Variants in JDP2 observed in about 807,000 individuals in gnomAD.
The protein encoded by JDP2 is Jun dimerization protein 2.
In JDP2, 9 loss-of-function variants were observed where a neutral mutation model predicts 17.1. That is an observed-to-expected ratio of 0.53 (90% confidence interval 0.32 to 0.92). The LOEUF (loss-of-function observed/expected upper bound fraction) is 0.92. Ranked by LOEUF, JDP2 falls within the 40% of genes least tolerant of loss-of-function variation. The probability of loss-of-function intolerance (pLI) is 0.04; values close to 1 mark genes in which losing one functional copy is unlikely to be tolerated. For synonymous variants in JDP2, 107 were observed against 95.6 expected, an observed-to-expected ratio of 1.12 and a Z score of -0.69; for missense variants, 179 against 220.0, an observed-to-expected ratio of 0.81 and a Z score of 1.18.
chr14:75,448,161 C>T (rs1239254800), intron 2 of JDP2, among the ~76,000 whole-genome samples: 1 of 152,094 alleles, frequency 6.6e-6, no homozygotes, highest in Non-Finnish European at 1.5e-5. Context: ...GGATATGATG[C>T]AATTGTAAGC....
chr14:75,435,591 G>C (rs574849650), intron 1 of JDP2, among the ~76,000 whole-genome samples: 6 of 152,314 alleles, frequency 3.9e-5, no homozygotes, highest in Middle Eastern at 3.4e-3. Flanking sequence ...ACCAGGAGTC[G>C]AGCCCTGGCT....
chr14:75,438,007 C>A lies in JDP2; in HGVS notation c.87C>A (p.Ala29=), dbSNP rs1362594799. The A allele has an allele frequency of 6.2e-7, 1 of 1,613,798 alleles. No homozygotes were observed. Among genetic ancestry groups the A allele is most frequent in the Admixed American group, 1.7e-5 (1 of 59,988 alleles). The change falls in exon 2 of 4, where the codon GCC becomes GCA. Residue 29 remains alanine, a synonymous_variant. Coordinates refer to ENST00000651602, the MANE Select transcript of JDP2 (RefSeq NM_001135048.2). The part of the protein sequence containing the change: ...LGPLTGLPSS[A]LTVEELKYAD... ...CCCTGACCGGGCTCCCCAGCTCGGCCCTGACTGTGGAGGAGCTGAAATACG... is the reference window on the plus strand; with the variant it reads ...CCCTGACCGGGCTCCCCAGCTCGGCACTGACTGTGGAGGAGCTGAAATACG...
At position 75,473,669 on chromosome 14, in the gene JDP2, A is replaced by T. The variant is rs190982562; in HGVS notation, c.*4194A>T. ...AGAATGAACCAGAGCTATATGTATC[A>T]ATATGGATAAATCTCAGAAACCTAC... On this transcript the variant is annotated 3_prime_UTR_variant, in exon 4 of 4. Transcript: ENST00000651602. 6.6e-6 allele frequency: 1 copy of T among 152,390 alleles called. No individual in the cohort carries two copies. Among genetic ancestry groups the T allele is most frequent in the African/African-American group, 2.4e-5 (1 of 41,592 alleles). 9.4% of individuals were successfully genotyped at this position (152,390 alleles called of 1,614,324 possible). A position where few individuals can be genotyped will look rare whatever the true frequency, so the allele number is the denominator to read the frequency against.
At chr14:75,444,499 G>A (rs1037337175) in intron 2 of JDP2, among the ~76,000 whole-genome samples, 1 of 152,212 alleles carries the variant, frequency 6.6e-6, no homozygotes, top group Non-Finnish European at 1.5e-5. Context: ...TTGGGTGCAA[G>A]TTCTGGGTTC....
intron 1 of JDP2, among the ~76,000 whole-genome samples, chr14:75,434,899 T>C (rs1396846950): frequency 1.3e-5 from 2 of 152,260 alleles, no homozygotes; most frequent in Non-Finnish European, 2.9e-5. Flanking sequence ...GTGAATTTGC[T>C]GTCATTTGTT....
At chr14:75,440,445 A>G (rs1050892152) in intron 2 of JDP2, among the ~76,000 whole-genome samples, 2 of 152,384 alleles carry the variant, frequency 1.3e-5, no homozygotes, top group South Asian at 2.1e-4. Flanking sequence ...CTATTTGCAT[A>G]TGGCAAACTG....
rs186312662 is a variant in JDP2, at chr14:75,454,964, C to G, written c.202-6462C>G. Among the ~76,000 whole-genome samples, 424 of 152,172 alleles carry G rather than the reference C, an allele frequency of 2.8e-3. 2 individuals carry two copies. Among genetic ancestry groups the G allele is most frequent in the Non-Finnish European group, 4.8e-3 (325 of 68,008 alleles). ...TAGCCAAGGGAGAGCCCTTTGGAGC[C>G]ACTGCAGCCGTCCAGTGCAGAGGCG... On this transcript the variant is annotated intron_variant, in intron 2 of 3. Transcript: ENST00000651602.
chr14:75,445,500 TA>T lies in JDP2; in HGVS notation c.201+7384del, dbSNP rs907120233. 3.6e-5 allele frequency: 35 copies of T among 985,274 alleles called. No homozygotes were observed. The African/African-American group carries it at 5.8e-4, about 16-fold the overall frequency. The allele number at this position is 985,274 out of a possible 1,614,324, so 61.0% of individuals were successfully genotyped here. A position where few individuals can be genotyped will look rare whatever the true frequency, so the allele number is the denominator to read the frequency against. On this transcript the variant is annotated intron_variant, in intron 2 of 3. Transcript: ENST00000651602. ...CTACCAACTCCCCAGTCCCCGCGAA[TA>T]AAAACCCTTGCCTTTTTGGAGGCAA... is the stretch of plus-strand genomic sequence containing the variant.
intron 3 of JDP2, among the ~76,000 whole-genome samples, chr14:75,466,964 G>T (rs897432666): frequency 6.6e-6 from 1 of 152,086 alleles, no homozygotes; most frequent in Non-Finnish European, 1.5e-5. Flanking sequence ...ATAAGTTACA[G>T]TAAGCCTCTC....
intron 2 of JDP2, among the ~76,000 whole-genome samples, chr14:75,439,248 C>G (rs1327088423): frequency 6.6e-6 from 1 of 152,222 alleles, no homozygotes; most frequent in African/African-American, 2.4e-5. Flanking sequence ...CAGAGGACTG[C>G]TGGGGGCTTG....
chr14:75,461,660 G>A (rs1292741226), intron 3 of JDP2, 130 bp downstream of exon 3: 1 of 707,892 alleles, frequency 1.4e-6, no homozygotes, highest in East Asian at 2.7e-5. Flanking sequence ...AGCAGCCTTG[G>A]CCCCTCTGCT....
rs188815977 is a variant in JDP2 at position 75,428,267 on chromosome 14, G to T, written c.-24+15G>T. ...CCTTCTGCACGGTGGGTGCGAGGGC[G>T]CGCGCTGGGGGCGCCGGGACGGGCG... On this transcript the variant is annotated intron_variant, in intron 1 of 3. Transcript: ENST00000651602. This position sits in a 1 kb window ranked among gnomAD's most constrained non-coding sequence, Gnocchi z 5.6. 540 of 146,644 alleles carry T rather than the reference G, an allele frequency of 3.7e-3. 5 individuals are homozygous for T. Among genetic ancestry groups the T allele is most frequent in the South Asian group, 0.025 (121 of 4,882 alleles). The allele number at this position is 146,644 out of a possible 1,614,324, so 9.1% of individuals were successfully genotyped here. A position where few individuals can be genotyped will look rare whatever the true frequency, so the allele number is the denominator to read the frequency against.
chr14:75,427,981 C>G (rs1884598197), upstream of JDP2: 1 of 151,724 alleles, frequency 6.6e-6, no homozygotes. This position sits in a 1 kb window ranked among gnomAD's most constrained non-coding sequence, Gnocchi z 4.4. Flanking sequence ...TCCCCGCCGC[C>G]CAGGGGCCGC....
chr14:75,453,010 G>C (rs958234458), intron 2 of JDP2, among the ~76,000 whole-genome samples: 4 of 152,184 alleles, frequency 2.6e-5, no homozygotes, highest in Non-Finnish European at 4.4e-5. Context: ...ATGCTGGGAG[G>C]GCCTGGCCCC....
chr14:75,451,725 A>T (rs891723507), intron 2 of JDP2, among the ~76,000 whole-genome samples: 10 of 152,120 alleles, frequency 6.6e-5, no homozygotes, highest in African/African-American at 2.4e-4. Flanking sequence ...AAGAGGGATG[A>T]TGCACAGTCA....
chr14:75,456,818 A>G (rs556048774), intron 2 of JDP2, among the ~76,000 whole-genome samples: 54 of 152,196 alleles, frequency 3.5e-4, no homozygotes, highest in African/African-American at 1.1e-3. Context: ...TCAGCCATTC[A>G]TGCCTCGTCC....
chr14:75,456,130 A>G lies in JDP2; in HGVS notation c.202-5296A>G, dbSNP rs11852177. On this transcript the variant is annotated intron_variant, in intron 2 of 3. Transcript: ENST00000651602. ...AACCTTCTCAAACTCCCTTCAAGCCAAGGGAGGAATTTTGACAGATTCATA... is the reference window on the plus strand; with the variant it reads ...AACCTTCTCAAACTCCCTTCAAGCCGAGGGAGGAATTTTGACAGATTCATA... 4.8e-3 allele frequency among the ~76,000 whole-genome samples: 732 copies of G among 152,330 alleles called. 4 individuals are homozygous for G. Among genetic ancestry groups the G allele is most frequent in the African/African-American group, 0.017 (693 of 41,574 alleles).
chr14:75,473,097 TG>T lies in JDP2; in HGVS notation c.*3625del. On this transcript the variant is annotated 3_prime_UTR_variant, in exon 4 of 4. Coordinates refer to ENST00000651602, the MANE Select transcript of JDP2 (RefSeq NM_001135048.2). ...GTTGGTAAGAATATGGATTAAAGGT[TG>T]GGAGGCCAAGATGGGTGGATCATGA... 1 of 152,320 alleles carries T rather than the reference TG, an allele frequency of 6.6e-6. No homozygotes were observed. The highest frequency in any genetic ancestry group is 1.5e-5 in the Non-Finnish European group (1 of 68,040). The allele number at this position is 152,320 out of a possible 1,614,324, so 9.4% of individuals were successfully genotyped here. A position where few individuals can be genotyped will look rare whatever the true frequency, so the allele number is the denominator to read the frequency against.
intron 1 of JDP2, among the ~76,000 whole-genome samples, chr14:75,429,028 G>A (rs960243759): frequency 2.0e-5 from 3 of 152,088 alleles, no homozygotes; most frequent in African/African-American, 7.2e-5. Context: ...GGGGTGCAGT[G>A]GGGGGTGGGA....
Sources: allele counts gnomAD v4.1 joint callset (sites outside exome capture counted in the v4.1 genomes callset), GRCh38; gene constraint gnomAD v4.1.1; non-coding constraint Gnocchi (gnomAD v3.1); transcripts MANE v1.5; gene names NCBI Gene and HGNC (gene_info 2026-07-23, HGNC 2026-07-21).